The following HCN1 variants were observed in gnomAD, a reference collection of about 807,000 sequenced individuals.
HCN1 encodes hyperpolarization activated cyclic nucleotide gated potassium channel 1, also known as potassium/sodium hyperpolarization-activated cyclic nucleotide-gated channel 1.
A neutral mutation model predicts 78.9 loss-of-function variants in HCN1; 13 were observed. That is an observed-to-expected ratio of 0.16 (90% confidence interval 0.11 to 0.26). The LOEUF is 0.26. Among genes scored for constraint, HCN1 ranks in the 10% least tolerant of loss-of-function variants. The pLI, the probability that HCN1 is intolerant of heterozygous loss-of-function variation, is 1.00. For missense variants in HCN1, 810 were observed against 1,154.3 expected (o/e 0.70, Z 4.32); for synonymous variants, 552 against 455.5 (o/e 1.21, Z -2.70).
chr5:45,500,135 G>T (rs905492384), intron 2 of HCN1, among the ~76,000 whole-genome samples: 1 of 152,060 alleles, frequency 6.6e-6, no homozygotes, highest in African/African-American at 2.4e-5. Context: ...CAATATAGAT[G>T]CCATGACTGG....
rs1744715538 is a variant in HCN1 at position 45,260,591 on chromosome 5, C to T, written c.*1330G>A. On this transcript the variant is annotated 3_prime_UTR_variant, in exon 8 of 8. Coordinates refer to ENST00000303230, the MANE Select transcript of HCN1 (RefSeq NM_021072.4). ...ATATACATAGAGCAAAATGTGTGTT[C>T]CCAAACAGACGTGATGCTGTATTGA... The T allele has an allele frequency of 6.6e-6, 1 of 152,480 alleles. No individual in the cohort carries two copies. Among genetic ancestry groups the T allele is most frequent in the Non-Finnish European group, 1.5e-5 (1 of 68,022 alleles). The allele number at this position is 152,480 out of a possible 1,614,324, so 9.4% of individuals were successfully genotyped here. A position where few individuals can be genotyped will look rare whatever the true frequency, so the allele number is the denominator to read the frequency against.
At chr5:45,618,918 A>G (rs1357749908) in intron 2 of HCN1, among the ~76,000 whole-genome samples, 1 of 152,064 alleles carries the variant, frequency 6.6e-6, no homozygotes, top group African/African-American at 2.4e-5. Flanking sequence ...ATGCAGACTT[A>G]CAGGTAGGAG....
intron 2 of HCN1, chr5:45,575,002 C>T (rs1355750501): frequency 3.9e-5 from 6 of 152,114 alleles, no homozygotes; most frequent in Non-Finnish European, 8.8e-5. Context: ...ATGTCCAGAA[C>T]AGAAAAGTGC....
chr5:45,451,209 T>C (rs913503204), intron 3 of HCN1, among the ~76,000 whole-genome samples: 2 of 152,096 alleles, frequency 1.3e-5, no homozygotes, highest in Admixed American at 1.3e-4. Context: ...ATTTATAGGG[T>C]TTCTATTTTA....
intron 2 of HCN1, among the ~76,000 whole-genome samples, chr5:45,613,218 T>C (rs537867601): frequency 2.8e-5 from 4 of 140,918 alleles, no homozygotes; most frequent in East Asian, 2.1e-4. Context: ...TGTGATCTCA[T>C]TGTTCAATTC....
At chr5:45,587,399 G>A (rs975848142) in intron 2 of HCN1, among the ~76,000 whole-genome samples, 1 of 152,114 alleles carries the variant, frequency 6.6e-6, no homozygotes, top group African/African-American at 2.4e-5. Context: ...GTCCTTTGTA[G>A]GGACATGGAT....
intron 2 of HCN1, among the ~76,000 whole-genome samples, chr5:45,517,530 A>AAAC (rs1467160808): frequency 6.6e-6 from 1 of 150,376 alleles, no homozygotes; most frequent in East Asian, 1.9e-4. Flanking sequence ...TAAAAAAAAA[A>AAAC]AAAAAAAAAA....
intron 2 of HCN1, chr5:45,575,885 T>C (rs1420179473): frequency 1.3e-5 from 2 of 152,102 alleles, no homozygotes; most frequent in African/African-American, 2.4e-5. Flanking sequence ...TCAAGTGTTA[T>C]GATTTAAGAA....
chr5:45,598,902 A>G (rs991756978), intron 2 of HCN1, among the ~76,000 whole-genome samples: 6 of 152,222 alleles, frequency 3.9e-5, no homozygotes, highest in African/African-American at 1.4e-4. Context: ...ATCATTAAAA[A>G]GTCAGGAAAC....
At chr5:45,497,214 A>T (rs1001343967) in intron 2 of HCN1, among the ~76,000 whole-genome samples, 1 of 152,174 alleles carries the variant, frequency 6.6e-6, no homozygotes, top group African/African-American at 2.4e-5. Flanking sequence ...GATGTCTATT[A>T]GGTCCACTTG....
At chr5:45,333,173 TA>T (rs1210504681) in intron 5 of HCN1, among the ~76,000 whole-genome samples, 4 of 151,626 alleles carry the variant, frequency 2.6e-5, no homozygotes, top group Non-Finnish European at 1.5e-5. Context: ...CTTTTGGATA[TA>T]AGTATTTTAA....
intron 4 of HCN1, among the ~76,000 whole-genome samples, chr5:45,374,301 G>GTATACATTATATACATTATATACATTA (rs71000632): frequency 4.0e-5 from 5 of 124,000 alleles, no homozygotes; most frequent in South Asian, 4.8e-4. Flanking sequence ...TATATATATT[G>GTATACATTATATACATTATATACATTA]TATACATTAT....
intron 4 of HCN1, among the ~76,000 whole-genome samples, chr5:45,382,481 T>A (rs1747830056): frequency 6.6e-6 from 1 of 152,194 alleles, no homozygotes; most frequent in East Asian, 1.9e-4. Context: ...TTCCTTTTCT[T>A]CATAACACCA....
At chr5:45,489,936 C>T (rs112279367) in intron 2 of HCN1, among the ~76,000 whole-genome samples, 106 of 152,134 alleles carry the variant, frequency 7.0e-4, no homozygotes, top group Non-Finnish European at 1.2e-3. Context: ...ATTCAATTAG[C>T]GTTTCAGATA....
chr5:45,466,122 CT>C (rs1741266216), intron 2 of HCN1, among the ~76,000 whole-genome samples: 1 of 152,060 alleles, frequency 6.6e-6, no homozygotes, highest in Admixed American at 6.6e-5. Flanking sequence ...TTTATTTCAT[CT>C]TGTTTTTAAA....
chr5:45,622,318 T>C (rs1745083637), intron 2 of HCN1, among the ~76,000 whole-genome samples: 2 of 152,058 alleles, frequency 1.3e-5, no homozygotes, highest in South Asian at 4.1e-4. Context: ...TTAAAAAAGA[T>C]TTTTCTGAGT....
rs535158788 is a variant in HCN1 at position 45,349,855 on chromosome 5, C to T, written c.1377+3245G>A. Reference sequence around the variant, plus strand: ...GTTGAATCTCTGAATAGACCAGTAACAGGCTCTGAAATTGTGGCAATAATC... The same window carrying T: ...GTTGAATCTCTGAATAGACCAGTAATAGGCTCTGAAATTGTGGCAATAATC... On this transcript the variant is annotated intron_variant, in intron 5 of 7. Coordinates refer to ENST00000303230, the MANE Select transcript of HCN1 (RefSeq NM_021072.4). Among the ~76,000 whole-genome samples the T allele has an allele frequency of 5.6e-4, 83 of 148,406 alleles. 1 individual carries two copies. The highest frequency in any genetic ancestry group is 1.0e-3 in the Non-Finnish European group (69 of 68,010).
At chr5:45,266,312 A>G (rs1744855031) in intron 7 of HCN1, among the ~76,000 whole-genome samples, 1 of 152,024 alleles carries the variant, frequency 6.6e-6, no homozygotes, top group African/African-American at 2.4e-5. Flanking sequence ...TTTCTGCTTG[A>G]GTCTATATTA....
intron 3 of HCN1, among the ~76,000 whole-genome samples, chr5:45,447,763 T>C (rs972678184): frequency 2.0e-5 from 3 of 152,138 alleles, no homozygotes; most frequent in African/African-American, 4.8e-5. Context: ...AACATTTGTA[T>C]AAGTACATAT....
Sources: allele counts gnomAD v4.1 joint callset (sites outside exome capture counted in the v4.1 genomes callset), GRCh38; gene constraint gnomAD v4.1.1; transcripts MANE v1.5; gene names NCBI Gene and HGNC (gene_info 2026-07-23, HGNC 2026-07-21).